Variants in FNBP1L observed in about 807,000 individuals in gnomAD.
FNBP1L encodes the protein formin-binding protein 1-like.
A neutral mutation model predicts 91.2 loss-of-function variants in FNBP1L; 36 were observed. The ratio of observed to expected loss-of-function variants is 0.39; its 90% CI spans 0.30 to 0.52. FNBP1L has a LOEUF of 0.52. Among genes scored for constraint, FNBP1L ranks in the 20% least tolerant of loss-of-function variants. The pLI is 0.66. For missense variants in FNBP1L, 571 were observed against 732.1 expected, an observed-to-expected ratio of 0.78 and a Z score of 2.54; for synonymous variants, 242 against 237.0, an observed-to-expected ratio of 1.02 and a Z score of -0.19.
intron 2 of FNBP1L, among the ~76,000 whole-genome samples, chr1:93,510,867 G>C (rs1670810268): frequency 1.3e-5 from 2 of 152,112 alleles, no homozygotes; most frequent in Admixed American, 6.5e-5. Context: ...GATGGAAGAT[G>C]AAATGAATGA....
chr1:93,524,335 C>T lies in FNBP1L; in HGVS notation c.405+12C>T, dbSNP rs991738880. The T allele has an allele frequency of 1.0e-5, 15 of 1,480,538 alleles. No homozygotes were observed. The African/African-American group carries it at 1.4e-4, about 14-fold the overall frequency. 91.7% of individuals were successfully genotyped at this position (1,480,538 alleles called of 1,614,324 possible). Reference sequence around the variant, plus strand: ...AACAGATGGATAATGTGAGTTATGACATTTTCATGGTTAACATAAAATCTT... The same window carrying T: ...AACAGATGGATAATGTGAGTTATGATATTTTCATGGTTAACATAAAATCTT... On this transcript the variant is annotated intron_variant, in intron 5 of 16. Transcript: ENST00000271234.
At chr1:93,542,697 G>C (rs972336659) in intron 11 of FNBP1L, among the ~76,000 whole-genome samples, 1 of 150,616 alleles carries the variant, frequency 6.6e-6, no homozygotes, top group African/African-American at 2.4e-5. Context: ...CAAAGAGCAA[G>C]ATCGTATTTG....
At chr1:93,533,262 TA>T (rs10541830) in intron 8 of FNBP1L, among the ~76,000 whole-genome samples, 194 bp downstream of exon 8, 1,744 of 141,672 alleles carry the variant, frequency 0.012, 15 homozygotes, top group Middle Eastern at 0.026. Context: ...AATTCTTTCT[TA>T]AAAAAAAAAA....
chr1:93,509,937 C>A (rs1278111211), intron 2 of FNBP1L, among the ~76,000 whole-genome samples: 1 of 152,212 alleles, frequency 6.6e-6, no homozygotes, highest in Non-Finnish European at 1.5e-5. Context: ...GAGATTATAT[C>A]CCGCACATGG....
At position 93,554,543 on chromosome 1, in the gene FNBP1L, T is replaced by G. The variant is rs1462078357; in HGVS notation, c.*2127T>G. 1 of 152,666 alleles carries G rather than the reference T, an allele frequency of 6.6e-6. No individual in the cohort carries two copies. Among genetic ancestry groups the G allele is most frequent in the African/African-American group, 2.4e-5 (1 of 41,466 alleles). 9.5% of individuals were successfully genotyped at this position (152,666 alleles called of 1,614,324 possible). On this transcript the variant is annotated 3_prime_UTR_variant, in exon 17 of 17. Coordinates refer to ENST00000271234, the MANE Select transcript of FNBP1L (RefSeq NM_001164473.3). The stretch of plus-strand genomic sequence containing the variant: ...TCCCAAAAAATCTTTAATTTTTTGG[T>G]AATTTTTACTCTTTTTGTGCACATG...
At chr1:93,513,869 A>G (rs1229349862) in intron 2 of FNBP1L, among the ~76,000 whole-genome samples, 5 of 152,186 alleles carry the variant, frequency 3.3e-5, no homozygotes, top group African/African-American at 1.2e-4. Context: ...CAAGACAGGG[A>G]TGCCCTCTCT....
intron 1 of FNBP1L, among the ~76,000 whole-genome samples, chr1:93,498,279 G>T (rs574553233): frequency 1.3e-5 from 2 of 152,014 alleles, no homozygotes; most frequent in Non-Finnish European, 2.9e-5. Context: ...TTTTTTGTTT[G>T]TTTGTTTTTG....
At chr1:93,456,807 G>A (rs112520494) in intron 1 of FNBP1L, among the ~76,000 whole-genome samples, 3,434 of 152,044 alleles carry the variant, frequency 0.023, 145 homozygotes, top group African/African-American at 0.079. Flanking sequence ...GCTTTTGGGG[G>A]AGTATTTACA....
intron 2 of FNBP1L, among the ~76,000 whole-genome samples, chr1:93,519,860 G>A (rs568557533): frequency 2.0e-5 from 3 of 152,328 alleles, no homozygotes; most frequent in East Asian, 1.9e-4. Context: ...GGTAGGCTGA[G>A]GCAGGAGGAT....
chr1:93,474,784 C>G (rs985507624), intron 1 of FNBP1L, among the ~76,000 whole-genome samples: 1 of 152,154 alleles, frequency 6.6e-6, no homozygotes, highest in African/African-American at 2.4e-5. Flanking sequence ...ATAAGCCATT[C>G]TTGTTTTTTT....
At position 93,544,128 on chromosome 1, in the gene FNBP1L, A is replaced by G; in HGVS notation, c.1186A>G (p.Ser396Gly). The G allele has an allele frequency of 6.2e-7, 1 of 1,609,588 alleles. No homozygotes were observed. The highest frequency in any genetic ancestry group is 8.5e-7 in the Non-Finnish European group (1 of 1,177,356). Residue 396 changes from serine (S) to glycine (G), a missense_variant, in exon 12 of 17, where the codon AGT (serine) becomes GGT (glycine). Ser to Gly is a moderately conservative substitution (Grantham distance 56). Transcript: ENST00000271234. The part of the protein sequence containing the change: ...VKMGPALEDF[S>G]HLPPEQRRKK... The stretch of plus-strand genomic sequence containing the variant: ...TCAGGGCCCAGCACTAGAAGATTTC[A>G]GTCATCTGCCACCAGAACAGAGACG...
intron 5 of FNBP1L, among the ~76,000 whole-genome samples, chr1:93,524,608 A>T (rs1193829032): frequency 1.4e-5 from 2 of 143,678 alleles, no homozygotes; most frequent in Non-Finnish European, 3.0e-5. Flanking sequence ...TTTTACTTTA[A>T]AGTAGTTACT....
At chr1:93,541,250 A>G (rs1178843565) in intron 11 of FNBP1L, among the ~76,000 whole-genome samples, 194 bp downstream of exon 11, 1 of 152,214 alleles carries the variant, frequency 6.6e-6, no homozygotes, top group Admixed American at 6.5e-5. Flanking sequence ...GTTAATTGTC[A>G]TCAACCCATT....
chr1:93,498,263 G>T (rs1325197657), intron 1 of FNBP1L, among the ~76,000 whole-genome samples: 1 of 151,972 alleles, frequency 6.6e-6, no homozygotes, highest in Non-Finnish European at 1.5e-5. Context: ...TTGAAGTGTT[G>T]TTGTTTTTTT....
intron 1 of FNBP1L, among the ~76,000 whole-genome samples, chr1:93,476,710 G>A (rs1175309770): frequency 6.6e-6 from 1 of 151,966 alleles, no homozygotes; most frequent in East Asian, 1.9e-4. Flanking sequence ...GGCAGAGGGG[G>A]GGAGTTCAGA....
chr1:93,512,101 C>A (rs1200148550), intron 2 of FNBP1L, among the ~76,000 whole-genome samples: 3 of 150,842 alleles, frequency 2.0e-5, no homozygotes, highest in Non-Finnish European at 4.4e-5. Context: ...TGGAAAACAA[C>A]AAAAGGCAGG....
intron 1 of FNBP1L, among the ~76,000 whole-genome samples, chr1:93,465,775 C>T (rs959535570): frequency 6.6e-6 from 1 of 152,168 alleles, no homozygotes; most frequent in Non-Finnish European, 1.5e-5. Context: ...TGAGGAATCG[C>T]CACACTGTCT....
intron 1 of FNBP1L, among the ~76,000 whole-genome samples, chr1:93,491,014 A>T (rs1391237587): frequency 1.3e-5 from 2 of 151,142 alleles, no homozygotes; most frequent in Non-Finnish European, 3.0e-5. Flanking sequence ...ATCATGGCTC[A>T]CTGCAGCCTC....
chr1:93,520,323 A>T (rs933247309), intron 2 of FNBP1L, among the ~76,000 whole-genome samples: 2 of 152,238 alleles, frequency 1.3e-5, no homozygotes, highest in Non-Finnish European at 2.9e-5. Context: ...TATAGTATTG[A>T]AAGATAGTAT....
Sources: gnomAD v4.1 joint callset for allele counts (sites outside exome capture counted in the v4.1 genomes callset) on GRCh38, gnomAD v4.1.1 for gene constraint, MANE v1.5 for transcripts, NCBI Gene and HGNC (gene_info 2026-07-23, HGNC 2026-07-21) for gene names.